Variants in TRPC5 observed in about 807,000 individuals in gnomAD.
The protein encoded by TRPC5 is transient receptor potential cation channel subfamily C member 5.
TRPC5 carries 9 observed loss-of-function variants against 56.5 expected under a neutral mutation model. That is an observed-to-expected ratio of 0.16 (90% CI 0.10 to 0.28). The LOEUF (loss-of-function observed/expected upper bound fraction) is 0.28, where lower values mean the gene tolerates loss of function less well. TRPC5 is among the 10% of genes least tolerant of loss of function. The pLI is 1.00. For missense variants in TRPC5, 469 were observed against 748.9 expected (o/e 0.63, Z 4.36); for synonymous variants, 282 against 278.5 (o/e 1.01, Z -0.13).
At chrX:111,991,848 A>G (rs1428028481) in intron 1 of TRPC5, among the ~76,000 whole-genome samples, 1 of 112,148 alleles carries the variant, frequency 8.9e-6, no homozygotes, top group Non-Finnish European at 1.9e-5. Context: ...CCTAATACAC[A>G]GGAGCCCAAA....
chrX:112,045,030 A>G (rs991092175), intron 1 of TRPC5, among the ~76,000 whole-genome samples: 1 of 112,396 alleles, frequency 8.9e-6, no homozygotes, highest in Non-Finnish European at 1.9e-5. Context: ...TGCCTGCGTC[A>G]CAAGGGTGGT....
chrX:112,066,128 T>C (rs1357436506), intron 1 of TRPC5, among the ~76,000 whole-genome samples: 1 of 106,556 alleles, frequency 9.4e-6, no homozygotes, highest in Non-Finnish European at 1.9e-5. Context: ...GTCCCAGCTC[T>C]TATGTTACAT....
intron 1 of TRPC5, among the ~76,000 whole-genome samples, chrX:112,043,645 TA>T (rs370812753): frequency 0.04 from 3,015 of 75,652 alleles, 107 homozygotes; most frequent in African/African-American, 0.12. Flanking sequence ...TGAGAAGAGG[TA>T]AAAAAAAAAA....
At chrX:111,994,681 C>T (rs1303703781) in intron 1 of TRPC5, among the ~76,000 whole-genome samples, 1 of 111,189 alleles carries the variant, frequency 9.0e-6, no homozygotes, top group Non-Finnish European at 1.9e-5. Context: ...AATGGGAGTT[C>T]ACTCACGATT....
chrX:111,796,495 G>T (rs1921099142), intron 7 of TRPC5, among the ~76,000 whole-genome samples: 2 of 111,787 alleles, frequency 1.8e-5, no homozygotes, highest in Non-Finnish European at 1.9e-5. Context: ...TTTTTTGTTG[G>T]TGTTTGTTTA....
chrX:111,907,069 T>G (rs899585477), intron 3 of TRPC5, among the ~76,000 whole-genome samples: 1 of 108,265 alleles, frequency 9.2e-6, no homozygotes. Flanking sequence ...AAATAATTCT[T>G]GTCCATTCCC....
intron 3 of TRPC5, among the ~76,000 whole-genome samples, chrX:111,874,019 A>G (rs1420529810): frequency 9.0e-6 from 1 of 111,460 alleles, no homozygotes; most frequent in Non-Finnish European, 1.9e-5. Flanking sequence ...TCTCTGGTAG[A>G]GAAAGGAAGG....
At position 111,773,602 on chromosome X, in the gene TRPC5, A is replaced by G. The variant is rs1211482977; in HGVS notation, c.*2711T>C. ...CACTTCACATCTATATATAACATAT[A>G]TGCTTACTAATAAATGTCTTCTATA... On this transcript the variant is annotated 3_prime_UTR_variant, in exon 11 of 11. Coordinates refer to ENST00000262839, the MANE Select transcript of TRPC5 (RefSeq NM_012471.3). Among the ~76,000 whole-genome samples, 2 of 111,605 alleles carry G rather than the reference A, an allele frequency of 1.8e-5. No homozygotes were observed. The highest frequency in any genetic ancestry group is 2.8e-4 in the East Asian group (1 of 3,568).
chrX:112,035,775 C>G lies in TRPC5; in HGVS notation c.-22+46104G>C, dbSNP rs781242213. On this transcript the variant is annotated intron_variant, in intron 1 of 10. Transcript: ENST00000262839. ...GCCTCCCGAGTAGCTGGGACTACAG[C>G]TGCCTGCCACCATGCCTGGCTAATT... Among the ~76,000 whole-genome samples, 732 of 108,722 alleles carry G rather than the reference C, an allele frequency of 6.7e-3. 5 individuals are homozygous for G. The highest frequency in any genetic ancestry group is 9.9e-3 in the Non-Finnish European group (519 of 52,465). The allele number at this position is 108,722 out of a possible 115,157, so 94.4% of individuals were successfully genotyped here.
intron 1 of TRPC5, among the ~76,000 whole-genome samples, chrX:111,987,976 A>C (rs189706948): frequency 1.4e-3 from 161 of 112,872 alleles, no homozygotes; most frequent in Non-Finnish European, 2.5e-3. Context: ...ATGTTTGACC[A>C]AATATCTGGG....
intron 7 of TRPC5, among the ~76,000 whole-genome samples, chrX:111,806,197 C>A (rs1461270819): frequency 9.0e-6 from 1 of 111,316 alleles, no homozygotes; most frequent in African/African-American, 3.3e-5. Context: ...CTTAGTAAAG[C>A]CTTTTTGGTT....
chrX:112,033,665 T>C (rs1188602001), intron 1 of TRPC5, among the ~76,000 whole-genome samples: 1 of 111,636 alleles, frequency 9.0e-6, no homozygotes, highest in Non-Finnish European at 1.9e-5. Flanking sequence ...TTTTATAGTT[T>C]TAGCTCTTAT....
At chrX:111,977,739 C>T (rs777035953) in intron 1 of TRPC5, among the ~76,000 whole-genome samples, 1 of 111,507 alleles carries the variant, frequency 9.0e-6, no homozygotes, top group Non-Finnish European at 1.9e-5. Context: ...TAGTATCCAA[C>T]ATATATAAGA....
At chrX:111,940,741 ATTC>A (rs761104659) in intron 2 of TRPC5, among the ~76,000 whole-genome samples, 1 of 108,542 alleles carries the variant, frequency 9.2e-6, no homozygotes, top group Non-Finnish European at 1.9e-5. Flanking sequence ...TCATGAGGTT[ATTC>A]TTTTTCTCTA....
At chrX:112,052,726 C>T (rs557794404) in intron 1 of TRPC5, among the ~76,000 whole-genome samples, 10 of 111,485 alleles carry the variant, frequency 9.0e-5, no homozygotes, top group African/African-American at 1.6e-4. Context: ...AGCTTCCCCC[C>T]GGAGGTCTGT....
intron 1 of TRPC5, among the ~76,000 whole-genome samples, chrX:112,001,577 C>T (rs1036657204): frequency 1.3e-4 from 15 of 111,533 alleles, no homozygotes; most frequent in South Asian, 3.8e-4. Context: ...CTGGCCAACA[C>T]GGCAAAACCT....
chrX:111,932,285 C>T (rs1280220101), intron 2 of TRPC5, among the ~76,000 whole-genome samples: 1 of 111,601 alleles, frequency 9.0e-6, no homozygotes, highest in Non-Finnish European at 1.9e-5. Context: ...AGGTTTATCA[C>T]CTTGATTTTG....
chrX:111,899,757 T>C (rs1925247358), intron 3 of TRPC5, among the ~76,000 whole-genome samples: 2 of 111,720 alleles, frequency 1.8e-5, no homozygotes, highest in Admixed American at 9.6e-5. Flanking sequence ...GATGAGCTGA[T>C]GCATGTTCTA....
intron 1 of TRPC5, among the ~76,000 whole-genome samples, chrX:111,956,105 C>T (rs1356941966): frequency 1.8e-5 from 2 of 112,403 alleles, no homozygotes; most frequent in Non-Finnish European, 3.8e-5. Flanking sequence ...AGAGCTAAAT[C>T]GATGGACTTG....
Sources: gnomAD v4.1 joint callset for allele counts (sites outside exome capture counted in the v4.1 genomes callset) on GRCh38, gnomAD v4.1.1 for gene constraint, MANE v1.5 for transcripts, NCBI Gene and HGNC (gene_info 2026-07-23, HGNC 2026-07-21) for gene names.